The following CRACDL variants were observed in gnomAD, a reference collection of about 807,000 sequenced individuals.
The protein encoded by CRACDL is CRACD like.
Under a neutral mutation model 70.6 loss-of-function variants are expected in CRACDL, and 26 were observed. That is an observed-to-expected ratio of 0.37 (90% confidence interval 0.27 to 0.51). The LOEUF (loss-of-function observed/expected upper bound fraction) is 0.51, where lower values mean the gene tolerates loss of function less well. CRACDL is among the 20% of genes least tolerant of loss of function. The probability of loss-of-function intolerance (pLI) is 0.94; values close to 1 mark genes in which losing one functional copy is unlikely to be tolerated. For missense variants in CRACDL, 1,283 were observed against 1,376.9 expected, an observed-to-expected ratio of 0.93 and a Z score of 1.08; for synonymous variants, 618 against 615.2, an observed-to-expected ratio of 1.00 and a Z score of -0.07.
chr2:98,821,031 G>A (rs577944649), intron 7 of CRACDL, among the ~76,000 whole-genome samples: 129 of 152,318 alleles, frequency 8.5e-4, no homozygotes, highest in South Asian at 3.9e-3. Context: ...GAGTTTCTTA[G>A]GTCAAAAGTG....
At position 98,822,736 on chromosome 2, in the gene CRACDL, GGGACGCGGCGGGGCCCTCGCTGGC is replaced by G. The variant is rs1210472809; in HGVS notation, c.1513_1536del (p.Ala505_Ser512del). The G allele has an allele frequency of 7.9e-7, 1 of 1,260,732 alleles. No homozygotes were observed. Among genetic ancestry groups the G allele is most frequent in the African/African-American group, 1.6e-5 (1 of 64,274 alleles). The allele number at this position is 1,260,732 out of a possible 1,614,324, so 78.1% of individuals were successfully genotyped here. A position where few individuals can be genotyped will look rare whatever the true frequency, so the allele number is the denominator to read the frequency against. ...GGAGACTCCGCAGCGGCAAGCGGCGGGGACGCGGCGGGGCCCTCGCTGGCGGCCGCGGGCCGGTGTTTCAGGCAG... is the reference window on the plus strand; with the variant it reads ...GGAGACTCCGCAGCGGCAAGCGGCGGGGCCGCGGGCCGGTGTTTCAGGCAG... On this transcript the variant is annotated inframe_deletion, in exon 7 of 10. Coordinates refer to ENST00000397899, the MANE Select transcript of CRACDL (RefSeq NM_207362.3). This position sits in a 1 kb window ranked among gnomAD's most constrained non-coding sequence, Gnocchi z 4.9.
chr2:98,817,618 AATAAACTCTGAGG>A (rs1704837262), intron 7 of CRACDL, among the ~76,000 whole-genome samples: 1 of 152,222 alleles, frequency 6.6e-6, no homozygotes, highest in Admixed American at 6.5e-5. Flanking sequence ...TTCTCTGTGC[AATAAACTCTGAGG>A]GTCAGTCCCC....
intron 5 of CRACDL, 108 bp from the exon 6 acceptor site, chr2:98,827,277 C>G (rs560398917): frequency 1.3e-6 from 1 of 747,670 alleles, no homozygotes; most frequent in Non-Finnish European, 2.3e-6. Flanking sequence ...CCCACACTGT[C>G]TCTGGCTTTA....
At chr2:98,920,832 A>C (rs6739503) in intron 1 of CRACDL, among the ~76,000 whole-genome samples, 77,425 of 152,010 alleles carry the variant, frequency 0.51, 21,358 homozygotes, top group African/African-American at 0.71. Flanking sequence ...ACACCCCACC[A>C]TAAGTCATCC....
At chr2:98,897,649 G>A (rs1708163149) in intron 1 of CRACDL, among the ~76,000 whole-genome samples, 1 of 152,224 alleles carries the variant, frequency 6.6e-6, no homozygotes, top group Admixed American at 6.5e-5. Flanking sequence ...TAAGACTCAA[G>A]TTATAGTTTT....
At chr2:98,862,173 C>A (rs1184220962) in intron 1 of CRACDL, among the ~76,000 whole-genome samples, 2 of 152,114 alleles carry the variant, frequency 1.3e-5, no homozygotes, top group African/African-American at 4.8e-5. Flanking sequence ...TGCATGCCTG[C>A]AAAAAGGCTC....
intron 1 of CRACDL, among the ~76,000 whole-genome samples, chr2:98,913,865 G>T (rs1302347055): frequency 6.6e-6 from 1 of 152,222 alleles, no homozygotes; most frequent in African/African-American, 2.4e-5. Context: ...GCCTGGGGCA[G>T]GTGATCCTGC....
intron 1 of CRACDL, among the ~76,000 whole-genome samples, chr2:98,890,135 G>A (rs1707923205): frequency 6.6e-6 from 1 of 151,952 alleles, no homozygotes; most frequent in African/African-American, 2.4e-5. Context: ...AAGCAAACAG[G>A]AGAAAAACAA....
chr2:98,897,983 G>A (rs569293973), intron 1 of CRACDL, among the ~76,000 whole-genome samples: 4 of 152,320 alleles, frequency 2.6e-5, no homozygotes, highest in South Asian at 4.1e-4. Flanking sequence ...CCAAGCTTTC[G>A]CCACCAGTGG....
intron 7 of CRACDL, among the ~76,000 whole-genome samples, chr2:98,802,811 G>A (rs553153466): frequency 5.3e-5 from 8 of 152,328 alleles, no homozygotes; most frequent in African/African-American, 1.9e-4. Flanking sequence ...GCAACGAGTT[G>A]TCGTACAATG....
rs567967552 is a variant in CRACDL, at chr2:98,883,965, G to A, written c.-10-37155C>T. Among the ~76,000 whole-genome samples the A allele has an allele frequency of 5.7e-4, 87 of 152,334 alleles. 1 individual carries two copies. Among genetic ancestry groups the A allele is most frequent in the Non-Finnish European group, 1.1e-3 (74 of 68,034 alleles). ...ACCTCCAGACAGACCTGCTCTGGCT[G>A]TCCCGTCCTAACTCACTGGGATTCA... is the stretch of plus-strand genomic sequence containing the variant. On this transcript the variant is annotated intron_variant, in intron 1 of 9. Transcript: ENST00000397899.
At chr2:98,907,062 TG>T (rs1170692726) in intron 1 of CRACDL, among the ~76,000 whole-genome samples, 1 of 152,112 alleles carries the variant, frequency 6.6e-6, no homozygotes, top group East Asian at 1.9e-4. Context: ...GAGGCCGAGG[TG>T]GGTTGATCAC....
intron 7 of CRACDL, among the ~76,000 whole-genome samples, chr2:98,808,979 T>G (rs1198673462): frequency 1.3e-5 from 2 of 152,180 alleles, no homozygotes; most frequent in African/African-American, 4.8e-5. Flanking sequence ...ATAAAAGCAC[T>G]GCCCGATCCT....
At chr2:98,865,586 G>C (rs1707102994) in intron 1 of CRACDL, among the ~76,000 whole-genome samples, 1 of 152,054 alleles carries the variant, frequency 6.6e-6, no homozygotes, top group South Asian at 2.1e-4. Flanking sequence ...AGAAAAATAA[G>C]TTTCACATTA....
chr2:98,836,020 G>A (rs1036520152), intron 3 of CRACDL, among the ~76,000 whole-genome samples: 3 of 152,184 alleles, frequency 2.0e-5, no homozygotes, highest in Non-Finnish European at 2.9e-5. Context: ...GGAATTGGGA[G>A]AATATAGGAA....
intron 1 of CRACDL, among the ~76,000 whole-genome samples, chr2:98,896,037 C>G (rs1708115102): frequency 6.6e-6 from 1 of 152,194 alleles, no homozygotes; most frequent in African/African-American, 2.4e-5. Flanking sequence ...AGCAAACAAT[C>G]TCCAGAAGTT....
chr2:98,866,475 CTTTTTTTTTTT>C (rs1173322192), intron 1 of CRACDL, among the ~76,000 whole-genome samples: 8 of 43,266 alleles, frequency 1.8e-4, no homozygotes, highest in East Asian at 5.5e-4. Context: ...ATCACTTCTT[CTTTTTTTTTTT>C]TTTTTTTTTT....
At chr2:98,817,417 A>T (rs1291268175) in intron 7 of CRACDL, among the ~76,000 whole-genome samples, 1 of 152,228 alleles carries the variant, frequency 6.6e-6, no homozygotes, top group Non-Finnish European at 1.5e-5. Context: ...TATTTTTAGC[A>T]TGATGCCAAT....
intron 3 of CRACDL, among the ~76,000 whole-genome samples, chr2:98,836,978 G>A (rs945728328): frequency 6.6e-6 from 1 of 151,712 alleles, no homozygotes; most frequent in African/African-American, 2.4e-5. Flanking sequence ...CCAGCTACTC[G>A]GGAGGCTGAG....
Sources: allele counts gnomAD v4.1 joint callset (sites outside exome capture counted in the v4.1 genomes callset), GRCh38; gene constraint gnomAD v4.1.1; non-coding constraint Gnocchi (gnomAD v3.1); transcripts MANE v1.5; gene names NCBI Gene and HGNC (gene_info 2026-07-23, HGNC 2026-07-21).